The following ADGRV1 variants were observed in gnomAD, a reference collection of about 807,000 sequenced individuals.
The protein encoded by ADGRV1 is adhesion G protein-coupled receptor V1.
A neutral mutation model predicts 596.2 loss-of-function variants in ADGRV1; 359 were observed. The observed-to-expected ratio is 0.60, with a 90% CI of 0.55 to 0.66. ADGRV1 has a LOEUF of 0.66. Ranked by LOEUF, ADGRV1 falls within the 30% of genes least tolerant of loss-of-function variation. The pLI is 0.00. For synonymous variants in ADGRV1, 2,681 were observed against 2,679.2 expected, an observed-to-expected ratio of 1.00 and a Z score of -0.02; for missense variants, 7,274 against 7,575.6, an observed-to-expected ratio of 0.96 and a Z score of 1.48.
Position 90,652,329 on chromosome 5 carries a change from T to G in ADGRV1, c.3417-17T>G. 1.3e-6 allele frequency: 2 copies of G among 1,529,938 alleles called. No homozygotes were observed. Among genetic ancestry groups the G allele is most frequent in the Non-Finnish European group, 1.8e-6 (2 of 1,131,242 alleles). The allele number at this position is 1,529,938 out of a possible 1,614,324, so 94.8% of individuals were successfully genotyped here. ...TAAGATTCACTACTTATAAATTTTC[T>G]TTAATTTATTTTGTAGGATTTTGAG... On this transcript the variant is annotated splice_polypyrimidine_tract_variant and intron_variant, in intron 18 of 89. Transcript: ENST00000405460.
At chr5:90,617,633 A>G (rs1763536451) in intron 2 of ADGRV1, 171 bp from the exon 3 acceptor site, 1 of 562,880 alleles carries the variant, frequency 1.8e-6, no homozygotes. Context: ...ATTTCTGAAG[A>G]TAAGTTTTTT....
chr5:91,153,300 G>T lies in ADGRV1; in HGVS notation c.18704G>T (p.Gly6235Val), dbSNP rs1796211295. The T allele has an allele frequency of 6.2e-7, 1 of 1,611,326 alleles. No individual in the cohort carries two copies. The highest frequency in any genetic ancestry group is 1.7e-5 in the Admixed American group (1 of 59,702). Residue 6235 changes from glycine to valine, a missense_variant, in exon 89 of 90, where the codon GGA becomes GTA. Transcript: ENST00000405460. ...SPDLKPSPQN[G>V]ATFPSSGGYG... ...GATTTAAAGCCAAGTCCACAAAATG[G>T]AGCCACGTTCCCGTCCTCTGGAGGA...
intron 77 of ADGRV1, among the ~76,000 whole-genome samples, chr5:90,839,330 G>A (rs1244453837): frequency 2.6e-5 from 4 of 152,000 alleles, no homozygotes; most frequent in African/African-American, 7.2e-5. Context: ...TTCTCCTGCC[G>A]CAGCGTCCCC....
chr5:90,896,184 T>C (rs917189680), intron 83 of ADGRV1, among the ~76,000 whole-genome samples: 2 of 151,986 alleles, frequency 1.3e-5, no homozygotes, highest in East Asian at 1.9e-4. Flanking sequence ...GAAATTTATC[T>C]CTTTATGTTT....
intron 29 of ADGRV1, among the ~76,000 whole-genome samples, chr5:90,686,488 G>A (rs1229784058): frequency 6.6e-6 from 1 of 151,916 alleles, no homozygotes; most frequent in East Asian, 1.9e-4. Flanking sequence ...TCTTGTGATA[G>A]TTTACTGAGA....
chr5:90,801,497 G>T (rs913975536), intron 70 of ADGRV1, among the ~76,000 whole-genome samples: 8 of 151,486 alleles, frequency 5.3e-5, no homozygotes, highest in Admixed American at 5.3e-4. Flanking sequence ...GGAGAGGTGC[G>T]ATATACATGA....
At chr5:90,723,158 C>T (rs187942714) in intron 45 of ADGRV1, among the ~76,000 whole-genome samples, 13 of 152,122 alleles carry the variant, frequency 8.5e-5, no homozygotes, top group African/African-American at 2.4e-4. Flanking sequence ...GAATTAATAC[C>T]ATTTTGAATA....
At chr5:91,156,418 T>C (rs1299463231) in intron 89 of ADGRV1, among the ~76,000 whole-genome samples, 1 of 152,160 alleles carries the variant, frequency 6.6e-6, no homozygotes, top group Non-Finnish European at 1.5e-5. Context: ...AATGATTAGC[T>C]GCACAAAACT....
At chr5:90,774,839 A>T (rs1167035540) in intron 60 of ADGRV1, among the ~76,000 whole-genome samples, 3 of 152,176 alleles carry the variant, frequency 2.0e-5, no homozygotes, top group African/African-American at 7.2e-5. Flanking sequence ...GTGGTTTTTG[A>T]TTACCTATAT....
intron 82 of ADGRV1, 79 bp from the exon 83 acceptor site, chr5:90,863,677 GC>G: frequency 9.7e-7 from 1 of 1,030,192 alleles, no homozygotes. Flanking sequence ...ATGCCTAGCT[GC>G]CCCCAAAGAT....
At chr5:90,993,154 C>CTTTTTT (rs1235025923) in intron 85 of ADGRV1, among the ~76,000 whole-genome samples, 10 of 97,660 alleles carry the variant, frequency 1.0e-4, no homozygotes, top group Non-Finnish European at 1.4e-4. Flanking sequence ...TTGGTTTTCA[C>CTTTTTT]TTTTTTTTTT....
At chr5:90,801,874 T>C (rs1270604295) in intron 70 of ADGRV1, among the ~76,000 whole-genome samples, 1 of 152,242 alleles carries the variant, frequency 6.6e-6, no homozygotes, top group Non-Finnish European at 1.5e-5. Context: ...AAATTCCAGA[T>C]TCCCCCTATT....
intron 84 of ADGRV1, among the ~76,000 whole-genome samples, chr5:90,966,605 G>A (rs1778496469): frequency 1.3e-5 from 2 of 151,750 alleles, no homozygotes; most frequent in Admixed American, 1.3e-4. Context: ...TTGGAAAATG[G>A]AGCCATTGGT....
At chr5:90,659,534 C>A (rs1056327510) in intron 21 of ADGRV1, among the ~76,000 whole-genome samples, 3 of 152,120 alleles carry the variant, frequency 2.0e-5, no homozygotes, top group Admixed American at 2.0e-4. Flanking sequence ...CAAGGTAGAC[C>A]AGTAGATTTT....
chr5:90,884,680 C>G (rs973656656), intron 83 of ADGRV1, among the ~76,000 whole-genome samples: 6 of 152,106 alleles, frequency 3.9e-5, no homozygotes, highest in African/African-American at 9.7e-5. Context: ...CTACTAGTTT[C>G]AACTTTTTGT....
At chr5:90,622,281 G>A (rs1764187816) in intron 4 of ADGRV1, among the ~76,000 whole-genome samples, 1 of 152,192 alleles carries the variant, frequency 6.6e-6, no homozygotes, top group Non-Finnish European at 1.5e-5. Flanking sequence ...CTGGGCCCCT[G>A]TGAGCATTTG....
intron 42 of ADGRV1, among the ~76,000 whole-genome samples, chr5:90,713,931 C>T (rs923636301): frequency 3.3e-5 from 5 of 152,094 alleles, no homozygotes; most frequent in African/African-American, 7.2e-5. Context: ...GACAGTGAGT[C>T]GTTTCTTAAA....
chr5:90,778,794 C>A, intron 63 of ADGRV1, 71 bp from the exon 64 acceptor site: 3 of 1,253,122 alleles, frequency 2.4e-6, no homozygotes, highest in Non-Finnish European at 3.3e-6. Context: ...GTAAATAGAA[C>A]GTTTAGTTAC....
intron 85 of ADGRV1, among the ~76,000 whole-genome samples, chr5:91,043,288 A>G (rs1314925948): frequency 2.6e-5 from 4 of 152,204 alleles, no homozygotes; most frequent in Non-Finnish European, 4.4e-5. Flanking sequence ...GTTAAATACT[A>G]TATCAATACT....
Sources: gnomAD v4.1 joint callset for allele counts (sites outside exome capture counted in the v4.1 genomes callset) on GRCh38, gnomAD v4.1.1 for gene constraint, MANE v1.5 for transcripts, NCBI Gene and HGNC (gene_info 2026-07-23, HGNC 2026-07-21) for gene names.